Variants in RNASEH2B observed in about 807,000 individuals in gnomAD.
The protein encoded by RNASEH2B is Aicardi-Goutieres syndrome 2 protein.
In RNASEH2B, 36 loss-of-function variants were observed where a neutral mutation model predicts 45.0. The ratio of observed to expected loss-of-function variants is 0.80; its 90% CI spans 0.61 to 1.06. RNASEH2B has a LOEUF of 1.06. Ranked by LOEUF, RNASEH2B falls within the 50% of genes least tolerant of loss-of-function variation. The pLI, the probability that RNASEH2B is intolerant of heterozygous loss-of-function variation, is 0.00. For synonymous variants in RNASEH2B, 119 were observed against 125.7 expected (o/e 0.95, Z 0.35); for missense variants, 361 against 360.3 (o/e 1.00, Z -0.02).
intron 1 of RNASEH2B, chr13:50,913,154 G>A (rs1879525402): frequency 6.6e-6 from 1 of 152,152 alleles, no homozygotes; most frequent in South Asian, 2.1e-4. Context: ...TTTAGTTTGG[G>A]ATGGTCTTAA....
rs1321434798 is a variant in RNASEH2B at position 50,910,156 on chromosome 13, C to T, written c.64+16C>T. 2 of 1,387,762 alleles carry T rather than the reference C, an allele frequency of 1.4e-6. No homozygotes were observed. Among genetic ancestry groups the T allele is most frequent in the Admixed American group, 3.0e-5 (1 of 33,628 alleles). 86.0% of individuals were successfully genotyped at this position (1,387,762 alleles called of 1,614,324 possible). A position where few individuals can be genotyped will look rare whatever the true frequency, so the allele number is the denominator to read the frequency against. On this transcript the variant is annotated intron_variant, in intron 1 of 10. Transcript: ENST00000336617. ...CTGGTTTCAGGTAAACACGCGCGCC[C>T]GGGCGGCGGGGTCGGCCCAAGAACT...
At chr13:50,924,750 G>T (rs555317271) in intron 1 of RNASEH2B, among the ~76,000 whole-genome samples, 1 of 152,036 alleles carries the variant, frequency 6.6e-6, no homozygotes, top group Non-Finnish European at 1.5e-5. Context: ...GTTTCACCCC[G>T]TTGCCCAGGC....
downstream of RNASEH2B, among the ~76,000 whole-genome samples, chr13:50,958,922 T>C (rs1449528947): frequency 6.6e-6 from 1 of 152,204 alleles, no homozygotes; most frequent in Non-Finnish European, 1.5e-5. Flanking sequence ...ATATATTTCA[T>C]GGAAAGTTTA....
chr13:50,943,201 A>G, intron 5 of RNASEH2B, 120 bp from the exon 6 acceptor site: 1 of 686,520 alleles, frequency 1.5e-6, no homozygotes, highest in Non-Finnish European at 2.5e-6. Context: ...TTTGTAAATT[A>G]AGCTTTTCAA....
chr13:50,926,563 T>A (rs141242602), intron 1 of RNASEH2B, among the ~76,000 whole-genome samples: 4 of 152,230 alleles, frequency 2.6e-5, no homozygotes, highest in Admixed American at 2.0e-4. Context: ...TCGAAAAAAA[T>A]ATTTAAATTG....
chr13:50,917,804 A>G lies in RNASEH2B; in HGVS notation c.64+7664A>G, dbSNP rs555542950. On this transcript the variant is annotated intron_variant, in intron 1 of 10. Coordinates refer to ENST00000336617, the MANE Select transcript of RNASEH2B (RefSeq NM_024570.4). ...AGAGGACCAGGAAAGGCTGGTCTCA[A>G]ACTGCTCTCAGTTTGATGACTAGGG... Among the ~76,000 whole-genome samples the G allele has an allele frequency of 4.6e-5, 7 of 152,290 alleles. No homozygotes were observed. The East Asian group carries it at 1.4e-3, about 29-fold the overall frequency.
chr13:50,948,463 T>C (rs1314107997), intron 8 of RNASEH2B: 1 of 172,602 alleles, frequency 5.8e-6, no homozygotes, highest in African/African-American at 2.4e-5. Context: ...ATTTTCACTA[T>C]TATCACTAGA....
chr13:50,934,463 A>G, intron 4 of RNASEH2B: 1 of 216,856 alleles, frequency 4.6e-6, no homozygotes, highest in South Asian at 7.3e-5. Flanking sequence ...ATGGGGAGGC[A>G]GATGTATGTC....
intron 1 of RNASEH2B, chr13:50,910,692 C>T: frequency 6.6e-6 from 1 of 152,604 alleles, no homozygotes; most frequent in Non-Finnish European, 1.5e-5. Flanking sequence ...GTGCTGGAGC[C>T]GGGCCTTTCA....
At chr13:50,957,525 A>G (rs1180955736), downstream of RNASEH2B, among the ~76,000 whole-genome samples, 3 of 152,112 alleles carry the variant, frequency 2.0e-5, no homozygotes, top group Non-Finnish European at 2.9e-5. Context: ...GGTTGATCCC[A>G]TATCTTTGCT....
At chr13:50,915,459 C>A in intron 1 of RNASEH2B, 1 of 398,638 alleles carries the variant, frequency 2.5e-6, no homozygotes, top group Admixed American at 4.4e-5. Flanking sequence ...TGGGTCTCTC[C>A]TCTTGTTACT....
chr13:50,925,817 C>A (rs1951587633), intron 1 of RNASEH2B, among the ~76,000 whole-genome samples: 1 of 152,168 alleles, frequency 6.6e-6, no homozygotes, highest in South Asian at 2.1e-4. Flanking sequence ...CCTCTCCTTT[C>A]CTGTGTGCTG....
At chr13:50,938,132 T>G (rs1951782371) in intron 5 of RNASEH2B, 1 of 152,218 alleles carries the variant, frequency 6.6e-6, no homozygotes. Context: ...TATACTGACA[T>G]TGAACAATTG....
intron 4 of RNASEH2B, among the ~76,000 whole-genome samples, chr13:50,932,715 C>T (rs758938160): frequency 6.6e-6 from 1 of 152,194 alleles, no homozygotes; most frequent in Non-Finnish European, 1.5e-5. Context: ...AAGTGTCACT[C>T]AAACAGCTTA....
rs1952008216 is a variant in RNASEH2B at position 50,953,891 on chromosome 13, C to T, written c.742-14C>T. On this transcript the variant is annotated splice_polypyrimidine_tract_variant and intron_variant, in intron 9 of 10. Transcript: ENST00000336617. ...AGTGACATTTGACACCACTTCACTG[C>T]TCTAATGTTGCAGAAAATAAAGTTA... The T allele has an allele frequency of 1.3e-6, 2 of 1,557,464 alleles. No individual in the cohort carries two copies. The highest frequency in any genetic ancestry group is 1.8e-6 in the Non-Finnish European group (2 of 1,129,016).
intron 9 of RNASEH2B, among the ~76,000 whole-genome samples, chr13:50,965,006 T>C (rs1262388451): frequency 6.6e-6 from 1 of 152,220 alleles, no homozygotes; most frequent in Non-Finnish European, 1.5e-5. Context: ...GCATAGGACC[T>C]TGCCTGACTG....
intron 4 of RNASEH2B, chr13:50,934,670 G>A (rs1400428758): frequency 6.9e-6 from 4 of 579,436 alleles, no homozygotes; most frequent in Admixed American, 5.9e-5. Context: ...AAGGTAGATG[G>A]TGTGCTGTGT....
intron 5 of RNASEH2B, among the ~76,000 whole-genome samples, chr13:50,939,784 A>G (rs1951811835): frequency 6.6e-6 from 1 of 152,204 alleles, no homozygotes; most frequent in East Asian, 1.9e-4. Context: ...ATGGATCACT[A>G]TGTTAAATTC....
intron 3 of RNASEH2B, among the ~76,000 whole-genome samples, chr13:50,930,469 A>G (rs1459206779): frequency 6.6e-6 from 1 of 152,210 alleles, no homozygotes; most frequent in Non-Finnish European, 1.5e-5. Context: ...TCCTCTCCAC[A>G]CAGGGATTTG....
Sources: allele counts gnomAD v4.1 joint callset (sites outside exome capture counted in the v4.1 genomes callset), GRCh38; gene constraint gnomAD v4.1.1; transcripts MANE v1.5; gene names NCBI Gene and HGNC (gene_info 2026-07-23, HGNC 2026-07-21).